CLSTN1: variants seen among roughly 807,000 people sequenced by gnomAD.
The protein encoded by CLSTN1 is calsyntenin 1.
In CLSTN1, 28 loss-of-function variants were observed where a neutral mutation model predicts 108.3. That is an observed-to-expected ratio of 0.26 (90% confidence interval 0.19 to 0.35). CLSTN1 has a LOEUF of 0.35. CLSTN1 is among the 10% of genes least tolerant of loss of function. The probability of loss-of-function intolerance (pLI) is 1.00; values close to 1 mark genes in which losing one functional copy is unlikely to be tolerated. For synonymous variants in CLSTN1, 524 were observed against 534.9 expected (o/e 0.98, Z 0.28); for missense variants, 1,157 against 1,302.6 (o/e 0.89, Z 1.72).
chr1:9,756,399 T>A, intron 3 of CLSTN1, 82 bp downstream of exon 3: 5 of 1,096,846 alleles, frequency 4.6e-6, no homozygotes, highest in Non-Finnish European at 6.9e-6. Context: ...CAGTTTCTCC[T>A]GTTTAAGGGC....
Position 9,802,710 on chromosome 1 carries a change from G to A in CLSTN1, c.91+20933C>T, listed in dbSNP as rs78381113. On this transcript the variant is annotated intron_variant, in intron 1 of 18. Transcript: ENST00000377298. ...CGAAAATATCACACTGACGACAATG[G>A]CAACTTCACTTGTTTCCTCTTTGGT... Among the ~76,000 whole-genome samples the A allele has an allele frequency of 8.6e-3, 1,304 of 152,070 alleles. 20 individuals carry two copies. Among genetic ancestry groups the A allele is most frequent in the East Asian group, 0.043 (224 of 5,176 alleles).
intron 1 of CLSTN1, among the ~76,000 whole-genome samples, chr1:9,810,139 GGAAA>G (rs1174241206): frequency 8.1e-6 from 1 of 123,880 alleles, no homozygotes; most frequent in Non-Finnish European, 1.8e-5. Context: ...AAGGCAGGGA[GGAAA>G]GGAGGGGAAG....
chr1:9,811,594 C>T (rs1415528803), intron 1 of CLSTN1, among the ~76,000 whole-genome samples: 2 of 151,974 alleles, frequency 1.3e-5, no homozygotes, highest in African/African-American at 4.8e-5. Context: ...ACGACTGTAC[C>T]CCACCTGTTA....
At chr1:9,801,464 T>C (rs1403835081) in intron 1 of CLSTN1, among the ~76,000 whole-genome samples, 3 of 152,342 alleles carry the variant, frequency 2.0e-5, no homozygotes, top group Admixed American at 6.5e-5. Flanking sequence ...CACTGGTGAA[T>C]TGTACCAAAC....
intron 2 of CLSTN1, among the ~76,000 whole-genome samples, chr1:9,773,062 AAC>A (rs1264753443): frequency 2.0e-5 from 3 of 152,222 alleles, no homozygotes; most frequent in South Asian, 2.1e-4. Flanking sequence ...AATTAAATTA[AAC>A]AGTTTGTTTT....
In CLSTN1 at chr1:9,744,463, G is replaced by T; in HGVS notation, c.1166C>A (p.Ser389Ter). The T allele has an allele frequency of 1.2e-6, 2 of 1,610,934 alleles. No individual in the cohort carries two copies. The highest frequency in any genetic ancestry group is 1.7e-6 in the Non-Finnish European group (2 of 1,179,962). ...SVSPKEPFTI[S>*]VWMRHGPFGR... ...GAATGGCCCATGTCTCATCCACACCGAGATGGTGAACGGCTCTTTGGGGCT... is the reference window on the plus strand; with the variant it reads ...GAATGGCCCATGTCTCATCCACACCTAGATGGTGAACGGCTCTTTGGGGCT... The change falls in exon 8 of 19, where the codon TCG becomes TAG. Residue 389 changes from serine to a stop codon, truncating the protein, a stop_gained. Transcript: ENST00000377298. LOFTEE classifies it high-confidence loss of function.
chr1:9,774,341 G>A (rs778453383), intron 1 of CLSTN1, among the ~76,000 whole-genome samples: 9 of 152,036 alleles, frequency 5.9e-5, no homozygotes, highest in South Asian at 4.2e-4. Context: ...TGACGAGGGC[G>A]GATCACCTGA....
At chr1:9,759,369 G>A (rs1316784311) in intron 2 of CLSTN1, among the ~76,000 whole-genome samples, 3 of 152,134 alleles carry the variant, frequency 2.0e-5, no homozygotes, top group Non-Finnish European at 2.9e-5. Flanking sequence ...TCCACCTCCC[G>A]GGTTCACGCC....
At chr1:9,731,586 C>T (rs537252633) in intron 17 of CLSTN1, among the ~76,000 whole-genome samples, 175 bp downstream of exon 17, 42 of 152,336 alleles carry the variant, frequency 2.8e-4, no homozygotes, top group Admixed American at 5.9e-4. Context: ...TCCATGGCTG[C>T]GGGTGACATC....
intron 2 of CLSTN1, among the ~76,000 whole-genome samples, chr1:9,761,688 G>A (rs1652081275): frequency 6.6e-6 from 1 of 152,100 alleles, no homozygotes; most frequent in Non-Finnish European, 1.5e-5. Flanking sequence ...GCTTTAGGCT[G>A]GCCCTGCTGT....
At chr1:9,796,760 T>C (rs944210401) in intron 1 of CLSTN1, among the ~76,000 whole-genome samples, 1 of 152,138 alleles carries the variant, frequency 6.6e-6, no homozygotes, top group Non-Finnish European at 1.5e-5. Context: ...CACTGAATAA[T>C]AAACCCATGG....
chr1:9,755,427 G>A (rs922529039), intron 3 of CLSTN1, 118 bp from the exon 4 acceptor site: 3 of 804,830 alleles, frequency 3.7e-6, no homozygotes, highest in African/African-American at 1.7e-5. Flanking sequence ...GGCAGCCAGG[G>A]GTTTGGAGGG....
intron 2 of CLSTN1, among the ~76,000 whole-genome samples, chr1:9,760,966 T>G (rs192160261): frequency 3.4e-4 from 52 of 152,042 alleles, no homozygotes; most frequent in Admixed American, 9.2e-4. Flanking sequence ...CAGAATTGCC[T>G]CTCACATCCC....
intron 8 of CLSTN1, 28 bp downstream of exon 8, chr1:9,744,367 G>A: frequency 6.3e-7 from 1 of 1,584,234 alleles, no homozygotes; most frequent in Non-Finnish European, 8.6e-7. Flanking sequence ...ACTGGGGCCT[G>A]GCATCGCTTG....
chr1:9,807,409 A>G (rs1304869234), intron 1 of CLSTN1, among the ~76,000 whole-genome samples: 3 of 152,170 alleles, frequency 2.0e-5, no homozygotes, highest in South Asian at 2.1e-4. Flanking sequence ...TACATGATAC[A>G]TCCCACTGGA....
intron 1 of CLSTN1, among the ~76,000 whole-genome samples, chr1:9,817,207 T>C (rs1023231279): frequency 9.9e-5 from 15 of 152,198 alleles, no homozygotes; most frequent in African/African-American, 3.1e-4. Context: ...CTTCTATTAA[T>C]TCTTTTTAAG....
chr1:9,755,315 G>GC lies in CLSTN1; in HGVS notation c.245-7_245-6insG. ...TTTAAATCCACAAATCTCACCTAGGGAGTCAAAGCAGAACAGGTAAGAATT... is the reference window on the plus strand; with the variant it reads ...TTTAAATCCACAAATCTCACCTAGGGCAGTCAAAGCAGAACAGGTAAGAATT... On this transcript the variant is annotated splice_region_variant and splice_polypyrimidine_tract_variant and intron_variant, in intron 3 of 18. Transcript: ENST00000377298. 6.2e-7 allele frequency: 1 copy of GC among 1,605,584 alleles called. No homozygotes were observed. Among genetic ancestry groups the GC allele is most frequent in the Non-Finnish European group, 8.5e-7 (1 of 1,173,482 alleles).
intron 7 of CLSTN1, among the ~76,000 whole-genome samples, chr1:9,744,943 G>A (rs1287081250): frequency 3.9e-5 from 6 of 152,048 alleles, no homozygotes; most frequent in Non-Finnish European, 2.9e-5. Flanking sequence ...CAGGAGAGCC[G>A]GAGTTTCACC....
rs754685327 is a variant in CLSTN1 at position 9,749,844 on chromosome 1, T to C, written c.719A>G (p.Tyr240Cys). 10 of 1,614,034 alleles carry C rather than the reference T, an allele frequency of 6.2e-6. No homozygotes were observed. The highest frequency in any genetic ancestry group is 1.3e-5 in the African/African-American group (1 of 75,066). Residue 240 changes from tyrosine (Y) to cysteine (C), a missense_variant, in exon 6 of 19, where the codon TAT (tyrosine) becomes TGT (cysteine). By Grantham distance (194) the Tyr-to-Cys change is radical. Transcript: ENST00000377298. The part of the protein sequence containing the change: ...EHQYKLTVTA[Y>C]DCGKKRATED... ...TGTGGCTCTTTTCTTCCCACAGTCA[T>C]AGGCAGTGACGGTCAGCTTATATTG...
Sources: gnomAD v4.1 joint callset for allele counts (sites outside exome capture counted in the v4.1 genomes callset) on GRCh38, gnomAD v4.1.1 for gene constraint, MANE v1.5 for transcripts, NCBI Gene and HGNC (gene_info 2026-07-23, HGNC 2026-07-21) for gene names.